The following PLEKHA7 variants were observed in gnomAD, a reference collection of about 807,000 sequenced individuals.
The protein encoded by PLEKHA7 is pleckstrin homology domain-containing family A member 7.
A neutral mutation model predicts 170.0 loss-of-function variants in PLEKHA7; 104 were observed. That is an observed-to-expected ratio of 0.61 (90% CI 0.52 to 0.72). PLEKHA7 has a LOEUF of 0.72. Among genes scored for constraint, PLEKHA7 ranks in the 30% least tolerant of loss-of-function variants. The pLI, the probability that PLEKHA7 is intolerant of heterozygous loss-of-function variation, is 0.00. For synonymous variants in PLEKHA7, 648 were observed against 660.8 expected (o/e 0.98, Z 0.30); for missense variants, 1,615 against 1,671.7 (o/e 0.97, Z 0.59).
At chr11:16,893,176 C>T (rs1856785743) in intron 3 of PLEKHA7, among the ~76,000 whole-genome samples, 1 of 152,182 alleles carries the variant, frequency 6.6e-6, no homozygotes, top group African/African-American at 2.4e-5. Context: ...ACTCAGGGAA[C>T]TCAGGCATAG....
chr11:16,801,154 A>G (rs1285152883), intron 16 of PLEKHA7, 79 bp from the exon 17 acceptor site: 2 of 1,199,986 alleles, frequency 1.7e-6, no homozygotes, highest in African/African-American at 1.5e-5. Flanking sequence ...TGTACTCCTG[A>G]CCATGCTGAC....
chr11:16,911,164 T>C (rs1858220988), intron 3 of PLEKHA7, among the ~76,000 whole-genome samples: 1 of 152,192 alleles, frequency 6.6e-6, no homozygotes, highest in Non-Finnish European at 1.5e-5. Flanking sequence ...GAAATCAAAA[T>C]GTGTGTATCT....
At chr11:16,900,195 C>T (rs186245813) in intron 3 of PLEKHA7, among the ~76,000 whole-genome samples, 4 of 152,364 alleles carry the variant, frequency 2.6e-5, no homozygotes, top group Non-Finnish European at 4.4e-5. Flanking sequence ...TAACTCTACA[C>T]ATTTAAGGCT....
chr11:16,967,252 AAAG>A (rs1445528827), intron 3 of PLEKHA7, among the ~76,000 whole-genome samples: 1 of 152,210 alleles, frequency 6.6e-6, no homozygotes, highest in Non-Finnish European at 1.5e-5. Context: ...AAAGTTTAGA[AAAG>A]AACATTCCCA....
At chr11:16,849,653 AGG>A (rs1852756878) in intron 8 of PLEKHA7, among the ~76,000 whole-genome samples, 1 of 152,226 alleles carries the variant, frequency 6.6e-6, no homozygotes, top group Admixed American at 6.5e-5. Context: ...AACAGAATTC[AGG>A]GCCAAGTTCT....
chr11:16,923,410 C>A (rs539436135), intron 3 of PLEKHA7, among the ~76,000 whole-genome samples: 1 of 152,194 alleles, frequency 6.6e-6, no homozygotes, highest in East Asian at 1.9e-4. Context: ...GTACACACCG[C>A]AAACCCAGGT....
intron 9 of PLEKHA7, among the ~76,000 whole-genome samples, chr11:16,837,614 G>C (rs948388344): frequency 6.6e-6 from 1 of 152,138 alleles, no homozygotes; most frequent in African/African-American, 2.4e-5. Flanking sequence ...GTAAAGTCTA[G>C]AAGGAGCTGT....
At chr11:16,992,699 T>C (rs1054318271) in intron 3 of PLEKHA7, among the ~76,000 whole-genome samples, 1 of 147,732 alleles carries the variant, frequency 6.8e-6, no homozygotes, top group Non-Finnish European at 1.5e-5. Context: ...GAGGTTGTGG[T>C]GAGTTGAGAT....
At chr11:17,007,315 A>G (rs757687073) in intron 3 of PLEKHA7, among the ~76,000 whole-genome samples, 3 of 152,072 alleles carry the variant, frequency 2.0e-5, no homozygotes, top group Non-Finnish European at 4.4e-5. Flanking sequence ...GAATTACATT[A>G]AATAGAAAAA....
chr11:16,785,681 A>T (rs1324177335), intron 24 of PLEKHA7, among the ~76,000 whole-genome samples: 1 of 152,148 alleles, frequency 6.6e-6, no homozygotes, highest in Non-Finnish European at 1.5e-5. Flanking sequence ...CTGCCCTGTC[A>T]TGATGCATGT....
intron 3 of PLEKHA7, among the ~76,000 whole-genome samples, chr11:16,871,725 T>C (rs1039676708): frequency 6.6e-6 from 1 of 152,164 alleles, no homozygotes; most frequent in South Asian, 2.1e-4. Context: ...ACCTGCACAA[T>C]TTCAGCACGG....
At chr11:16,995,505 T>C (rs1469200235) in intron 3 of PLEKHA7, among the ~76,000 whole-genome samples, 2 of 152,180 alleles carry the variant, frequency 1.3e-5, no homozygotes, top group Non-Finnish European at 2.9e-5. Context: ...GCCCCTGAAC[T>C]GCTCCCTCCT....
chr11:16,932,405 C>A (rs1860004208), intron 3 of PLEKHA7, among the ~76,000 whole-genome samples: 1 of 151,892 alleles, frequency 6.6e-6, no homozygotes, highest in Non-Finnish European at 1.5e-5. Flanking sequence ...AGCCTCCCCA[C>A]CCAGTAGCCA....
intron 4 of PLEKHA7, among the ~76,000 whole-genome samples, chr11:16,857,278 G>C (rs1490005980): frequency 6.6e-6 from 1 of 152,220 alleles, no homozygotes; most frequent in Non-Finnish European, 1.5e-5. Context: ...GCTTCCCAAA[G>C]GGCTGGGCCC....
chr11:16,871,968 T>C (rs1055948527), intron 3 of PLEKHA7, among the ~76,000 whole-genome samples: 1 of 119,722 alleles, frequency 8.4e-6, no homozygotes, highest in African/African-American at 3.0e-5. Context: ...ATAGTAAATG[T>C]AGACTTTTTT....
chr11:16,886,187 T>C (rs1265440306), intron 3 of PLEKHA7, among the ~76,000 whole-genome samples: 3 of 151,944 alleles, frequency 2.0e-5, no homozygotes, highest in Non-Finnish European at 2.9e-5. Flanking sequence ...AGGCAGAGAC[T>C]CCTGGAAAAG....
chr11:16,827,729 G>A (rs942203716), intron 9 of PLEKHA7, among the ~76,000 whole-genome samples: 1 of 151,766 alleles, frequency 6.6e-6, no homozygotes, highest in Non-Finnish European at 1.5e-5. Context: ...TTTAGATTAG[G>A]GAGGCAAGAG....
At chr11:16,966,310 G>A (rs1019867034) in intron 3 of PLEKHA7, among the ~76,000 whole-genome samples, 5 of 151,772 alleles carry the variant, frequency 3.3e-5, no homozygotes, top group Non-Finnish European at 7.4e-5. Context: ...GTGTGTGTGT[G>A]TGTGTGTGTG....
chr11:16,917,747 T>C (rs960010179), intron 3 of PLEKHA7, among the ~76,000 whole-genome samples: 2 of 152,258 alleles, frequency 1.3e-5, no homozygotes, highest in Non-Finnish European at 2.9e-5. Context: ...TTCTGGGTAT[T>C]AGCACATGGA....
Sources: allele counts gnomAD v4.1 joint callset (sites outside exome capture counted in the v4.1 genomes callset), GRCh38; gene constraint gnomAD v4.1.1; transcripts MANE v1.5; gene names NCBI Gene and HGNC (gene_info 2026-07-23, HGNC 2026-07-21).